NPAT: variants seen among roughly 807,000 people sequenced by gnomAD.
NPAT encodes protein NPAT.
NPAT carries 52 observed loss-of-function variants against 130.7 expected under a neutral mutation model. That is an observed-to-expected ratio of 0.40 (90% CI 0.32 to 0.50). The LOEUF (loss-of-function observed/expected upper bound fraction) is 0.50, where lower values mean the gene tolerates loss of function less well. Among genes scored for constraint, NPAT ranks in the 20% least tolerant of loss-of-function variants. The pLI is 0.68. For synonymous variants in NPAT, 580 were observed against 584.8 expected (o/e 0.99, Z 0.12); for missense variants, 1,687 against 1,662.6 (o/e 1.01, Z -0.26).
intron 10 of NPAT, 146 bp downstream of exon 10, chr11:108,185,086 T>C (rs142719662): frequency 2.9e-6 from 2 of 701,376 alleles, no homozygotes; most frequent in African/African-American, 1.8e-5. Flanking sequence ...AAAAGTTTTA[T>C]CTTACTATTG....
intron 1 of NPAT, among the ~76,000 whole-genome samples, chr11:108,201,365 G>C (rs939599861): frequency 6.6e-6 from 1 of 152,196 alleles, no homozygotes; most frequent in Non-Finnish European, 1.5e-5. Flanking sequence ...AGGAGACTCA[G>C]GCAACTAAGA....
intron 10 of NPAT, among the ~76,000 whole-genome samples, chr11:108,178,669 C>T (rs2078031833): frequency 6.6e-6 from 1 of 151,982 alleles, no homozygotes; most frequent in Admixed American, 6.6e-5. Context: ...ACCCGCCTGG[C>T]CAACATGGTG....
At chr11:108,194,136 A>G in intron 2 of NPAT, 119 bp from the exon 3 acceptor site, 1 of 636,360 alleles carries the variant, frequency 1.6e-6, no homozygotes, top group South Asian at 1.9e-5. Context: ...GCGATGAGGA[A>G]AGGGTAAAGA....
At position 108,177,067 on chromosome 11, in the gene NPAT, T is replaced by G; in HGVS notation, c.930A>C (p.Glu310Asp). ...GLPSEIHMSE[E>D]AIQDILEQTE... ...TCTGTTCCAATATGTCCTGTATAGC[T>G]TCTTCAGACATGTGAATTTCACTCT... Residue 310 changes from glutamate (E) to aspartate (D), a missense_variant, in exon 11 of 18, where the codon GAA (glutamate) becomes GAC (aspartate). This residue lies in a region of NPAT where 1,379 missense variants were observed against 1,346.6 expected (regional missense o/e 1.02). Coordinates refer to ENST00000278612, the MANE Select transcript of NPAT (RefSeq NM_002519.3). 3.1e-6 allele frequency: 5 copies of G among 1,612,278 alleles called. No individual in the cohort carries two copies. In the African/African-American group the frequency reaches 6.7e-5, roughly 21 times the overall value.
intron 10 of NPAT, among the ~76,000 whole-genome samples, chr11:108,179,926 A>T (rs572791821): frequency 1.3e-5 from 2 of 152,382 alleles, no homozygotes; most frequent in East Asian, 3.9e-4. Flanking sequence ...GACTACATCC[A>T]ATGTTAAAAC....
At chr11:108,207,172 G>C (rs1253679984) in intron 1 of NPAT, among the ~76,000 whole-genome samples, 2 of 152,252 alleles carry the variant, frequency 1.3e-5, no homozygotes, top group Admixed American at 1.3e-4. Context: ...TCTCACAGCT[G>C]GTAGTCCCAA....
At chr11:108,193,717 C>T (rs1433044167) in intron 3 of NPAT, among the ~76,000 whole-genome samples, 2 of 151,890 alleles carry the variant, frequency 1.3e-5, no homozygotes, top group Non-Finnish European at 2.9e-5. Context: ...AAGATTGAAA[C>T]TCCGTCTCAA....
intron 15 of NPAT, among the ~76,000 whole-genome samples, chr11:108,164,028 A>G (rs910770966): frequency 3.9e-5 from 6 of 152,242 alleles, no homozygotes; most frequent in African/African-American, 1.4e-4. Context: ...AACCTTAGAA[A>G]GAATGAAGGA....
chr11:108,173,437 C>T lies in NPAT; in HGVS notation c.1547G>A (p.Gly516Asp). ...TAAGTTTTCATTGTTAGCTTCACAA[C>T]CAAGTGAAACAAATGAAGTTATTGG... ...DIPITSFVSLGCEANNENLIL... is the reference protein window; with the variant it reads ...DIPITSFVSLDCEANNENLIL... The change falls in exon 13 of 18, where the codon GGT becomes GAT. Residue 516 changes from glycine to aspartate, a missense_variant. By Grantham distance (94) the Gly-to-Asp change is moderately conservative. Around this residue, in one of 3 missense-constraint regions of NPAT, gnomAD observed 1,379 missense variants for 1,346.6 expected, o/e 1.02. Transcript: ENST00000278612. The T allele has an allele frequency of 1.2e-6, 2 of 1,614,122 alleles. No individual in the cohort carries two copies. The highest frequency in any genetic ancestry group is 8.5e-7 in the Non-Finnish European group (1 of 1,180,014).
Position 108,213,197 on chromosome 11 carries a change from C to T in NPAT, c.37+9303G>A, listed in dbSNP as rs183450106. Among the ~76,000 whole-genome samples the T allele has an allele frequency of 6.0e-3, 895 of 150,284 alleles. 9 individuals are homozygous for T. The highest frequency in any genetic ancestry group is 0.018 in the African/African-American group (725 of 40,952). On this transcript the variant is annotated intron_variant, in intron 1 of 17. Transcript: ENST00000278612. ...CTGAGGCAGGAGAATCGCTTGAACCCGGGAGGCAGAGGTTGTGGTGAGCCA... is the reference window on the plus strand; with the variant it reads ...CTGAGGCAGGAGAATCGCTTGAACCTGGGAGGCAGAGGTTGTGGTGAGCCA...
At chr11:108,160,808 AACTGCTGAATT>A in intron 17 of NPAT, 61 bp downstream of exon 17, 1 of 1,362,228 alleles carries the variant, frequency 7.3e-7, no homozygotes, top group East Asian at 2.4e-5. Flanking sequence ...TTGTGGCAAG[AACTGCTGAATT>A]CGCTAATCAC....
At chr11:108,171,028 T>C (rs2077945027) in intron 13 of NPAT, 2 of 150,342 alleles carry the variant, frequency 1.3e-5, no homozygotes, top group African/African-American at 2.5e-5. Context: ...CTGAGGAACA[T>C]ACAATAAAAA....
At chr11:108,183,320 T>C (rs2078074958) in intron 10 of NPAT, among the ~76,000 whole-genome samples, 1 of 152,042 alleles carries the variant, frequency 6.6e-6, no homozygotes, top group Non-Finnish European at 1.5e-5. Context: ...AGAGAGGTTT[T>C]TGAAAGAAGT....
At chr11:108,220,477 AAACTT>A (rs1208562836) in intron 1 of NPAT, among the ~76,000 whole-genome samples, 3 of 152,170 alleles carry the variant, frequency 2.0e-5, no homozygotes, top group Non-Finnish European at 2.9e-5. Flanking sequence ...TAAGGGGAGA[AAACTT>A]AACTTCTCTA....
intron 1 of NPAT, chr11:108,208,506 T>C (rs2134891114): frequency 6.6e-6 from 3 of 454,906 alleles, no homozygotes; most frequent in South Asian, 4.7e-5. Flanking sequence ...GAGGATAGCT[T>C]GAGCCCAGGA....
intron 1 of NPAT, among the ~76,000 whole-genome samples, chr11:108,210,738 A>G (rs1565328397): frequency 6.6e-6 from 1 of 152,228 alleles, no homozygotes; most frequent in Non-Finnish European, 1.5e-5. Context: ...TCACGAGGAA[A>G]AGCCCAACTG....
chr11:108,191,536 T>C (rs918735185), intron 4 of NPAT, among the ~76,000 whole-genome samples: 2 of 152,134 alleles, frequency 1.3e-5, no homozygotes, highest in Non-Finnish European at 2.9e-5. Flanking sequence ...AAGAAAGCAT[T>C]TGGAGCCATT....
chr11:108,179,280 C>CT (rs996374899), intron 10 of NPAT, among the ~76,000 whole-genome samples: 22 of 151,222 alleles, frequency 1.5e-4, no homozygotes, highest in Non-Finnish European at 3.0e-4. Context: ...TCATATTATA[C>CT]TTTTTTTTTG....
intron 1 of NPAT, among the ~76,000 whole-genome samples, chr11:108,211,546 GAA>G (rs200914423): frequency 2.6e-4 from 29 of 111,616 alleles, no homozygotes; most frequent in Admixed American, 6.4e-4. Context: ...CTGTCTTCAG[GAA>G]AAAAAAAAAA....
Sources: gnomAD v4.1 joint callset for allele counts (sites outside exome capture counted in the v4.1 genomes callset) on GRCh38, gnomAD v4.1.1 for gene constraint, gnomAD v4.1.1 regional missense constraint, MANE v1.5 for transcripts, NCBI Gene and HGNC (gene_info 2026-07-23, HGNC 2026-07-21) for gene names.